Variants in MAGI1 observed in about 807,000 individuals in gnomAD.
MAGI1 encodes the protein membrane-associated guanylate kinase, WW and PDZ domain-containing protein 1.
MAGI1 carries 58 observed loss-of-function variants against 139.9 expected under a neutral mutation model. That is an observed-to-expected ratio of 0.41 (90% confidence interval 0.34 to 0.52). MAGI1 has a LOEUF of 0.52. MAGI1 is among the 20% of genes least tolerant of loss of function. MAGI1 has a pLI of 0.12. For synonymous variants in MAGI1, 812 were observed against 737.9 expected, an observed-to-expected ratio of 1.10 and a Z score of -1.63; for missense variants, 1,874 against 1,901.6, an observed-to-expected ratio of 0.99 and a Z score of 0.27.
intron 1 of MAGI1, among the ~76,000 whole-genome samples, chr3:65,624,967 G>C (rs1247291678): frequency 6.6e-6 from 1 of 152,098 alleles, no homozygotes; most frequent in African/African-American, 2.4e-5. Flanking sequence ...CTGCCTCCCA[G>C]ACTCAAGCGA....
At chr3:65,872,990 C>T (rs552449928) in intron 1 of MAGI1, 10 of 152,274 alleles carry the variant, frequency 6.6e-5, no homozygotes, top group Non-Finnish European at 8.8e-5. Context: ...GATGGTTACA[C>T]AGTAATACCT....
intron 2 of MAGI1, among the ~76,000 whole-genome samples, chr3:65,509,795 G>T (rs952697243): frequency 6.6e-6 from 1 of 152,008 alleles, no homozygotes; most frequent in Admixed American, 6.5e-5. Context: ...ACTGGGTGGA[G>T]CCCACCACAG....
intron 16 of MAGI1, 141 bp from the exon 17 acceptor site, chr3:65,379,695 G>C: frequency 7.3e-7 from 1 of 1,361,246 alleles, no homozygotes; most frequent in Admixed American, 2.3e-5. Context: ...CACAATACCT[G>C]GATATACGGA....
chr3:65,866,184 G>A (rs1447342167), intron 1 of MAGI1, among the ~76,000 whole-genome samples: 3 of 150,638 alleles, frequency 2.0e-5, no homozygotes. Flanking sequence ...CTGTGGCTGG[G>A]GGAATTGTTG....
intron 9 of MAGI1, among the ~76,000 whole-genome samples, chr3:65,439,220 A>G (rs1468082851): frequency 6.6e-6 from 1 of 152,196 alleles, no homozygotes; most frequent in East Asian, 1.9e-4. Context: ...ACTTAGTAAT[A>G]TGTGCAAGAA....
At chr3:65,663,596 T>C (rs1178237363) in intron 1 of MAGI1, among the ~76,000 whole-genome samples, 4 of 152,148 alleles carry the variant, frequency 2.6e-5, no homozygotes, top group Admixed American at 2.6e-4. Flanking sequence ...TCAAGAGGTA[T>C]CTATTGAGGG....
chr3:65,414,987 C>T lies in MAGI1; in HGVS notation c.2168-13517G>A, dbSNP rs182519413. Among the ~76,000 whole-genome samples the T allele has an allele frequency of 3.2e-3, 472 of 146,980 alleles. 2 individuals carry two copies. Among genetic ancestry groups the T allele is most frequent in the African/African-American group, 0.011 (449 of 39,566 alleles). Reference sequence around the variant, plus strand: ...GAGGTTGTGGTGAGCCGAGATCATGCCATTGCACTCCAGCCTGGGAAAAAA... The same window carrying T: ...GAGGTTGTGGTGAGCCGAGATCATGTCATTGCACTCCAGCCTGGGAAAAAA... On this transcript the variant is annotated intron_variant, in intron 12 of 22. Transcript: ENST00000402939.
At chr3:65,870,845 G>A (rs2059914205) in intron 1 of MAGI1, among the ~76,000 whole-genome samples, 1 of 152,156 alleles carries the variant, frequency 6.6e-6, no homozygotes, top group East Asian at 1.9e-4. Context: ...CACTTTGGGA[G>A]GCCAAGGTGG....
At chr3:65,552,609 G>A (rs1276118583) in intron 2 of MAGI1, among the ~76,000 whole-genome samples, 2 of 152,142 alleles carry the variant, frequency 1.3e-5, no homozygotes, top group Non-Finnish European at 2.9e-5. Flanking sequence ...GGGCTTGGTG[G>A]TGATGTCACC....
chr3:65,481,448 C>A (rs1951282659), intron 3 of MAGI1, among the ~76,000 whole-genome samples: 1 of 152,088 alleles, frequency 6.6e-6, no homozygotes. Flanking sequence ...TGATGGTTAA[C>A]TATTTTAAAA....
Position 65,819,875 on chromosome 3 carries a change from C to CAAAAAAAA in MAGI1, c.314-197795_314-197788dup, listed in dbSNP as rs3077818. Reference sequence around the variant, plus strand: ...CTAGCCACAGAGCAAGACTCCATCTCAAAAAAAAAAAAAAAAAAAAAAGGA... The same window carrying CAAAAAAAA: ...CTAGCCACAGAGCAAGACTCCATCTCAAAAAAAAAAAAAAAAAAAAAAAAAAAAAAGGA... On this transcript the variant is annotated intron_variant, in intron 1 of 22. Coordinates refer to ENST00000402939, the MANE Select transcript of MAGI1 (RefSeq NM_001033057.2). Among the ~76,000 whole-genome samples the CAAAAAAAA allele has an allele frequency of 4.5e-3, 151 of 33,448 alleles. 10 individuals are homozygous for CAAAAAAAA. The highest frequency in any genetic ancestry group is 9.6e-3 in the African/African-American group (114 of 11,826). 21.9% of individuals were successfully genotyped at this position (33,448 alleles called of 152,430 possible). A position where few individuals can be genotyped will look rare whatever the true frequency, so the allele number is the denominator to read the frequency against.
At chr3:65,653,660 T>C (rs979797995) in intron 1 of MAGI1, among the ~76,000 whole-genome samples, 2 of 152,146 alleles carry the variant, frequency 1.3e-5, no homozygotes, top group African/African-American at 4.8e-5. Context: ...AAGCCAAGAA[T>C]CAACCCCTCT....
chr3:65,942,203 A>G (rs1400029056), intron 1 of MAGI1, among the ~76,000 whole-genome samples: 2 of 151,976 alleles, frequency 1.3e-5, no homozygotes, highest in East Asian at 1.9e-4. Flanking sequence ...AATGGCTAAT[A>G]TAATACCATT....
chr3:65,726,830 C>T (rs2033664564), intron 1 of MAGI1, among the ~76,000 whole-genome samples: 1 of 151,800 alleles, frequency 6.6e-6, no homozygotes, highest in African/African-American at 2.4e-5. Flanking sequence ...AGGCAAGTAT[C>T]ACCATTATCC....
intron 2 of MAGI1, among the ~76,000 whole-genome samples, chr3:65,528,848 C>T (rs1021080457): frequency 1.3e-5 from 2 of 152,116 alleles, no homozygotes; most frequent in East Asian, 1.9e-4. Context: ...AAGTTTGAGA[C>T]CAGCCTGGAC....
intron 1 of MAGI1, among the ~76,000 whole-genome samples, chr3:65,997,722 T>A (rs544602705): frequency 1.3e-5 from 2 of 152,166 alleles, no homozygotes; most frequent in East Asian, 3.9e-4. Context: ...CTACCCACCA[T>A]CTAAAATTCT....
chr3:66,022,517 A>C (rs2068019403), intron 1 of MAGI1, among the ~76,000 whole-genome samples: 1 of 152,246 alleles, frequency 6.6e-6, no homozygotes, highest in Non-Finnish European at 1.5e-5. Flanking sequence ...ATAGATTCAA[A>C]TAGGCAGAAG....
chr3:65,497,586 A>T (rs1952546262), intron 2 of MAGI1, among the ~76,000 whole-genome samples: 1 of 151,450 alleles, frequency 6.6e-6, no homozygotes, highest in Non-Finnish European at 1.5e-5. Context: ...TTGAAAAAAA[A>T]TGAGGACAAA....
At chr3:65,825,946 C>G (rs1029244393) in intron 1 of MAGI1, among the ~76,000 whole-genome samples, 1 of 152,022 alleles carries the variant, frequency 6.6e-6, no homozygotes, top group Non-Finnish European at 1.5e-5. Flanking sequence ...CAAGATCGTG[C>G]CACGCACTCC....
Sources: gnomAD v4.1 joint callset for allele counts (sites outside exome capture counted in the v4.1 genomes callset) on GRCh38, gnomAD v4.1.1 for gene constraint, MANE v1.5 for transcripts, NCBI Gene and HGNC (gene_info 2026-07-23, HGNC 2026-07-21) for gene names.